PLEKHH2: variants seen among roughly 807,000 people sequenced by gnomAD.
The protein encoded by PLEKHH2 is pleckstrin homology, MyTH4 and FERM domain containing H2.
A neutral mutation model predicts 187.9 loss-of-function variants in PLEKHH2; 129 were observed. The observed-to-expected ratio is 0.69, with a 90% CI of 0.59 to 0.79. The LOEUF is 0.79. Among genes scored for constraint, PLEKHH2 ranks in the 30% least tolerant of loss-of-function variants. PLEKHH2 has a pLI of 0.00. For synonymous variants in PLEKHH2, 686 were observed against 605.6 expected (o/e 1.13, Z -1.95); for missense variants, 2,076 against 1,751.2 (o/e 1.19, Z -3.31).
At chr2:43,638,962 A>G (rs1371751252) in intron 1 of PLEKHH2, among the ~76,000 whole-genome samples, 1 of 152,226 alleles carries the variant, frequency 6.6e-6, no homozygotes, top group Non-Finnish European at 1.5e-5. Context: ...AATATTCTTA[A>G]GGCTTTGCTA....
chr2:43,681,967 T>A (rs1032408402), intron 3 of PLEKHH2, among the ~76,000 whole-genome samples: 2 of 152,196 alleles, frequency 1.3e-5, no homozygotes, highest in African/African-American at 4.8e-5. Context: ...TTTAAGCACA[T>A]ACAAGAGTAG....
At chr2:43,720,588 ACTC>A in intron 15 of PLEKHH2, 78 bp from the exon 16 acceptor site, 1 of 1,564,834 alleles carries the variant, frequency 6.4e-7, no homozygotes, top group Non-Finnish European at 8.6e-7. Flanking sequence ...GCCTATAGAA[ACTC>A]AAATAGGGTG....
intron 2 of PLEKHH2, among the ~76,000 whole-genome samples, chr2:43,649,303 C>T (rs755684220): frequency 2.0e-5 from 3 of 152,122 alleles, no homozygotes; most frequent in African/African-American, 4.8e-5. Context: ...AGGAAAGTTT[C>T]TTTGTCAGTT....
chr2:43,712,698 CG>C (rs1181401438), intron 15 of PLEKHH2, among the ~76,000 whole-genome samples: 1 of 151,990 alleles, frequency 6.6e-6, no homozygotes, highest in African/African-American at 2.4e-5. Flanking sequence ...ATATTTAACA[CG>C]TTTTTTTCTA....
chr2:43,649,631 G>A (rs1181858472), intron 2 of PLEKHH2, among the ~76,000 whole-genome samples: 1 of 152,206 alleles, frequency 6.6e-6, no homozygotes, highest in East Asian at 1.9e-4. Context: ...CTACTGGCTT[G>A]CCTAATGTTT....
At chr2:43,669,461 G>C (rs763121383) in intron 2 of PLEKHH2, among the ~76,000 whole-genome samples, 30 of 152,078 alleles carry the variant, frequency 2.0e-4, no homozygotes, top group Admixed American at 6.5e-4. Flanking sequence ...TTTATGGCAT[G>C]TGTATTATAT....
chr2:43,672,879 C>T (rs1574510900), intron 2 of PLEKHH2, among the ~76,000 whole-genome samples: 1 of 152,128 alleles, frequency 6.6e-6, no homozygotes, highest in East Asian at 1.9e-4. Flanking sequence ...AACTCCTTGT[C>T]CTTGGTTTAT....
At chr2:43,691,978 C>A (rs1020218405) in intron 3 of PLEKHH2, among the ~76,000 whole-genome samples, 1 of 152,200 alleles carries the variant, frequency 6.6e-6, no homozygotes, top group African/African-American at 2.4e-5. Context: ...ACTCTCCTAC[C>A]TATATCTAGA....
intron 2 of PLEKHH2, chr2:43,676,242 G>A (rs1667778077): frequency 6.2e-7 from 1 of 1,613,902 alleles, no homozygotes; most frequent in Non-Finnish European, 8.5e-7. Context: ...TGTGAATTTG[G>A]CCAAACATAG....
Position 43,726,418 on chromosome 2 carries a change from A to C in PLEKHH2, c.2688A>C (p.Pro896=). The C allele has an allele frequency of 6.2e-7, 1 of 1,611,760 alleles. No homozygotes were observed. Among genetic ancestry groups the C allele is most frequent in the Non-Finnish European group, 8.5e-7 (1 of 1,177,880 alleles). The change falls in exon 17 of 30, where the codon CCA becomes CCC. Residue 896 remains proline (P), a synonymous_variant. Transcript: ENST00000282406. ...TIVIHPKDQG[P]TYLLIGSKHE... Reference sequence around the variant, plus strand: ...TTATCCATCCCAAAGACCAAGGTCCAACTTACCTCCTAATTGGATCCAAGC... The same window carrying C: ...TTATCCATCCCAAAGACCAAGGTCCCACTTACCTCCTAATTGGATCCAAGC...
At chr2:43,705,846 C>T (rs1276464226) in intron 9 of PLEKHH2, among the ~76,000 whole-genome samples, 1 of 152,010 alleles carries the variant, frequency 6.6e-6, no homozygotes, top group Non-Finnish European at 1.5e-5. Flanking sequence ...TGGGCTCAAG[C>T]GATCCACTGC....
chr2:43,755,440 C>G (rs1467873776), intron 25 of PLEKHH2, among the ~76,000 whole-genome samples: 2 of 152,256 alleles, frequency 1.3e-5, no homozygotes, highest in African/African-American at 4.8e-5. Context: ...GCCTGCTGTC[C>G]TGCAGCAGGC....
Position 43,706,391 on chromosome 2 carries a change from C to A in PLEKHH2, c.1796C>A (p.Thr599Asn), listed in dbSNP as rs757218922. ...TCTCTGATATACAAGAACATGACCA[C>A]CCCAGTGTATACAACTTTGAAGGGG... ...YTSLIYKNMT[T>N]PVYTTLKGKA... The change falls in exon 10 of 30, where the codon ACC becomes AAC. Residue 599 changes from threonine (T) to asparagine (N), a missense_variant. Physicochemically the swap from Thr to Asn is moderately conservative, Grantham distance 65. Coordinates refer to ENST00000282406, the MANE Select transcript of PLEKHH2 (RefSeq NM_172069.4). 9.4e-6 allele frequency: 15 copies of A among 1,601,538 alleles called. No homozygotes were observed. The highest frequency in any genetic ancestry group is 6.7e-5 in the African/African-American group (5 of 74,776).
chr2:43,683,001 T>C (rs920788270), intron 3 of PLEKHH2, among the ~76,000 whole-genome samples: 1 of 152,188 alleles, frequency 6.6e-6, no homozygotes, highest in Non-Finnish European at 1.5e-5. Context: ...ACATTGTCTT[T>C]TTATGGACTT....
At chr2:43,740,914 GT>G in intron 20 of PLEKHH2, 31 bp from the exon 21 acceptor site, 1 of 1,608,502 alleles carries the variant, frequency 6.2e-7, no homozygotes, top group Non-Finnish European at 8.5e-7. Context: ...CTGGCACGTG[GT>G]ATCTAACCTG....
At chr2:43,668,065 C>G (rs1667305565) in intron 2 of PLEKHH2, among the ~76,000 whole-genome samples, 1 of 152,132 alleles carries the variant, frequency 6.6e-6, no homozygotes, top group Non-Finnish European at 1.5e-5. Context: ...TGAAGTCCGG[C>G]TCTGTCACCC....
intron 2 of PLEKHH2, among the ~76,000 whole-genome samples, chr2:43,670,417 G>T (rs940066940): frequency 6.6e-6 from 1 of 152,154 alleles, no homozygotes; most frequent in African/African-American, 2.4e-5. Flanking sequence ...TAGGGAGATT[G>T]TAGTATGTGA....
At chr2:43,710,450 A>C (rs372734341) in intron 13 of PLEKHH2, 39 bp from the exon 14 acceptor site, 21 of 1,587,660 alleles carry the variant, frequency 1.3e-5, no homozygotes, top group Non-Finnish European at 1.7e-5. Flanking sequence ...ATTACTGTTA[A>C]AGTTAATCAC....
chr2:43,648,693 A>T (rs1558412961), intron 2 of PLEKHH2, among the ~76,000 whole-genome samples: 1 of 150,500 alleles, frequency 6.6e-6, no homozygotes, highest in Non-Finnish European at 1.5e-5. Context: ...TGATTCTCCC[A>T]CCTCAGCCTC....
Sources: allele counts gnomAD v4.1 joint callset (sites outside exome capture counted in the v4.1 genomes callset), GRCh38; gene constraint gnomAD v4.1.1; transcripts MANE v1.5; gene names NCBI Gene and HGNC (gene_info 2026-07-23, HGNC 2026-07-21).